Variants in TBRG1 observed in about 807,000 individuals in gnomAD.
TBRG1 encodes nuclear interactor of ARF and MDM2.
TBRG1 carries 31 observed loss-of-function variants against 44.0 expected under a neutral mutation model. That is an observed-to-expected ratio of 0.70 (90% CI 0.53 to 0.95). The LOEUF (loss-of-function observed/expected upper bound fraction) is 0.95, where lower values mean the gene tolerates loss of function less well. Among genes scored for constraint, TBRG1 ranks in the 40% least tolerant of loss-of-function variants. The probability of loss-of-function intolerance (pLI) is 0.00; values close to 1 mark genes in which losing one functional copy is unlikely to be tolerated. For synonymous variants in TBRG1, 171 were observed against 188.1 expected, an observed-to-expected ratio of 0.91 and a Z score of 0.74; for missense variants, 487 against 496.1, an observed-to-expected ratio of 0.98 and a Z score of 0.18.
chr11:124,625,973 C>A, intron 3 of TBRG1, 70 bp downstream of exon 3: 1 of 1,464,620 alleles, frequency 6.8e-7, no homozygotes. Context: ...CTGGTACTAA[C>A]TGACAGACAC....
rs14348 is a variant in TBRG1 at position 124,625,466 on chromosome 11, G to C, written c.222-205G>C. Among the ~76,000 whole-genome samples the C allele has an allele frequency of 7.2e-3, 1,098 of 152,342 alleles. 12 individuals carry two copies. The highest frequency in any genetic ancestry group is 0.025 in the African/African-American group (1,038 of 41,564). On this transcript the variant is annotated intron_variant, in intron 2 of 8. Coordinates refer to ENST00000441174, the MANE Select transcript of TBRG1 (RefSeq NM_032811.3). ...GTAGAGGAACCGTCCAGATGCAAGA[G>C]ATAAGCTACAGTTCTTATCCTTGGC...
At chr11:124,628,068 TATATATATATATA>T (rs1942512781) in intron 5 of TBRG1, among the ~76,000 whole-genome samples, 3 of 30,824 alleles carry the variant, frequency 9.7e-5, no homozygotes, top group South Asian at 1.3e-3. Context: ...AGCTGTTTTA[TATATATATATATA>T]TATATATATA....
In TBRG1 at chr11:124,630,453, T is replaced by C. The variant is rs759727193; in HGVS notation, c.804T>C (p.His268=). The C allele has an allele frequency of 9.9e-6, 16 of 1,613,824 alleles. No individual in the cohort carries two copies. In the Middle Eastern group the frequency reaches 1.2e-3, roughly 117 times the overall value. ...TCAGCTCTTCTGCAGATGCTTGTCA[T>C]GCAGAACTGCTCAGGACTATAAGCA... ...AIVSSSADAC[H]AELLRTISTT... The change falls in exon 6 of 9, where the codon CAT becomes CAC. Residue 268 remains histidine, a synonymous_variant. Transcript: ENST00000441174.
intron 1 of TBRG1, among the ~76,000 whole-genome samples, chr11:124,624,626 A>G (rs1942417214): frequency 1.3e-5 from 2 of 152,312 alleles, no homozygotes; most frequent in Non-Finnish European, 2.9e-5. Flanking sequence ...TAGGGTGACC[A>G]TTAATCTTGG....
chr11:124,626,562 G>T lies in TBRG1; in HGVS notation c.544G>T (p.Val182Leu). 6.4e-7 allele frequency: 1 copy of T among 1,551,620 alleles called. No homozygotes were observed. The highest frequency in any genetic ancestry group is 8.7e-7 in the Non-Finnish European group (1 of 1,146,908). ...TGCCCTGGATCCCTCAGGACGGCCTGTGTTCCCCATCGGACTAGGGGGTCT... is the reference window on the plus strand; with the variant it reads ...TGCCCTGGATCCCTCAGGACGGCCTTTGTTCCCCATCGGACTAGGGGGTCT... ...PIALDPSGRPVFPIGLGGLTV... is the reference protein window; with the variant it reads ...PIALDPSGRPLFPIGLGGLTV... Residue 182 changes from valine to leucine, a missense_variant, in exon 4 of 9, where the codon GTG becomes TTG. By Grantham distance (32) the Val-to-Leu change is conservative. Coordinates refer to ENST00000441174, the MANE Select transcript of TBRG1 (RefSeq NM_032811.3).
chr11:124,629,264 G>A (rs542803494), intron 5 of TBRG1, among the ~76,000 whole-genome samples: 3 of 152,180 alleles, frequency 2.0e-5, no homozygotes, highest in Non-Finnish European at 2.9e-5. Flanking sequence ...GCGTGAACCC[G>A]GGAGGCGGAG....
chr11:124,630,751 A>G lies in TBRG1; in HGVS notation c.843A>G (p.Lys281=), dbSNP rs1317289277. 3.7e-6 allele frequency: 6 copies of G among 1,603,094 alleles called. No homozygotes were observed. The highest frequency in any genetic ancestry group is 5.1e-6 in the Non-Finnish European group (6 of 1,174,278). The change falls in exon 7 of 9, where the codon AAA becomes AAG. Residue 281 remains lysine, a synonymous_variant. Coordinates refer to ENST00000441174, the MANE Select transcript of TBRG1 (RefSeq NM_032811.3). ...TTATCCCTCTCCTGTTTAGGGGGAA[A>G]CTAATGCCTAACCTGCTTCCAGCTG... is the stretch of plus-strand genomic sequence containing the variant. ...LLRTISTTMG[K]LMPNLLPAGA...
Position 124,634,809 on chromosome 11 carries a change from A to G in TBRG1, c.*2571A>G, listed in dbSNP as rs1364444118. On this transcript the variant is annotated 3_prime_UTR_variant, in exon 9 of 9. Coordinates refer to ENST00000441174, the MANE Select transcript of TBRG1 (RefSeq NM_032811.3). ...GATTACAAAATAATATGTACTGTAT[A>G]AAATTATATAACTCAAGTCAAGTGA... 6.6e-6 allele frequency: 1 copy of G among 152,220 alleles called. No homozygotes were observed. The highest frequency in any genetic ancestry group is 1.5e-5 in the Non-Finnish European group (1 of 68,042). The allele number at this position is 152,220 out of a possible 1,614,324, so 9.4% of individuals were successfully genotyped here.
chr11:124,634,500 C>T lies in TBRG1; in HGVS notation c.*2262C>T, dbSNP rs765714659. The stretch of plus-strand genomic sequence containing the variant: ...TTGGTGAGAATGTAAGTTGTTTAAT[C>T]CTTTGGGAGGGTTAAGCTGTAGATA... On this transcript the variant is annotated 3_prime_UTR_variant, in exon 9 of 9. Transcript: ENST00000441174. 6 of 152,138 alleles carry T rather than the reference C, an allele frequency of 3.9e-5. No individual in the cohort carries two copies. In the South Asian group the frequency reaches 1.2e-3, roughly 32 times the overall value. The allele number at this position is 152,138 out of a possible 1,614,324, so 9.4% of individuals were successfully genotyped here. A position where few individuals can be genotyped will look rare whatever the true frequency, so the allele number is the denominator to read the frequency against.
At position 124,632,876 on chromosome 11, in the gene TBRG1, TAA is replaced by T. The variant is rs1942644602; in HGVS notation, c.*639_*640del. 1 of 152,116 alleles carries T rather than the reference TAA, an allele frequency of 6.6e-6. No individual in the cohort carries two copies. The allele number at this position is 152,116 out of a possible 1,614,324, so 9.4% of individuals were successfully genotyped here. Reference sequence around the variant, plus strand: ...ATGAATTTTGGGGACATATAAACATTAAGTCTGTAGTAGCAGCAGCTGACTAA... The same window carrying T: ...ATGAATTTTGGGGACATATAAACATTGTCTGTAGTAGCAGCAGCTGACTAA... On this transcript the variant is annotated 3_prime_UTR_variant, in exon 9 of 9. Transcript: ENST00000441174.
chr11:124,632,468 G>A lies in TBRG1; in HGVS notation c.*230G>A. The A allele has an allele frequency of 5.1e-6, 2 of 395,828 alleles. No homozygotes were observed. Among genetic ancestry groups the A allele is most frequent in the Non-Finnish European group, 9.2e-6 (2 of 218,482 alleles). 24.5% of individuals were successfully genotyped at this position (395,828 alleles called of 1,614,324 possible). The stretch of plus-strand genomic sequence containing the variant: ...TTTACTTTCATCTTGTAATCGGGAT[G>A]TAATCTTTTTTGCTTAGCTCTGCCT... On this transcript the variant is annotated 3_prime_UTR_variant, in exon 9 of 9. Transcript: ENST00000441174.
At chr11:124,623,461 TAAAGA>T (rs757551539) in intron 1 of TBRG1, 4 of 642,894 alleles carry the variant, frequency 6.2e-6, no homozygotes, top group South Asian at 6.2e-5. Flanking sequence ...ATTAAATGAG[TAAAGA>T]AAAGTGCTTG....
At chr11:124,627,677 A>G (rs1044382695) in intron 5 of TBRG1, among the ~76,000 whole-genome samples, 1 of 152,178 alleles carries the variant, frequency 6.6e-6, no homozygotes, top group Non-Finnish European at 1.5e-5. Context: ...ACCTTTGAGC[A>G]GAAGCTGGGA....
chr11:124,627,540 C>G (rs1319240270), intron 5 of TBRG1, among the ~76,000 whole-genome samples: 1 of 152,134 alleles, frequency 6.6e-6, no homozygotes, highest in Non-Finnish European at 1.5e-5. Flanking sequence ...TACATTTTCC[C>G]CAACCATCAT....
Position 124,626,453 on chromosome 11 carries a change from A to AC in TBRG1, c.455-16dup. The AC allele has an allele frequency of 6.6e-7, 1 of 1,511,076 alleles. No homozygotes were observed. Among genetic ancestry groups the AC allele is most frequent in the South Asian group, 1.3e-5 (1 of 75,882 alleles). 93.6% of individuals were successfully genotyped at this position (1,511,076 alleles called of 1,614,324 possible). ...CATTGGAAGGGGCCTAAAGTGGGTG[A>AC]CCCCAGATTTGCGTTTCAGTTCTGA... On this transcript the variant is annotated intron_variant, in intron 3 of 8. Transcript: ENST00000441174.
Position 124,626,979 on chromosome 11 carries a change from G to A in TBRG1, c.667G>A (p.Ala223Thr). The change falls in exon 5 of 9, where the codon GCC becomes ACC. Residue 223 changes from alanine (A) to threonine (T), a missense_variant. Ala to Thr is a moderately conservative substitution (Grantham distance 58). Coordinates refer to ENST00000441174, the MANE Select transcript of TBRG1 (RefSeq NM_032811.3). ...GGGCTATTGCAGTACTCGAATATAT[G>A]CCAGCATGAAGTGCCCAGACCAGAA... ...PVGYCSTRIY[A>T]SMKCPDQKCL... 3 of 1,588,172 alleles carry A rather than the reference G, an allele frequency of 1.9e-6. No individual in the cohort carries two copies. In the South Asian group the frequency reaches 3.4e-5, roughly 18 times the overall value.
rs1942368787 is a variant in TBRG1, at chr11:124,622,901, G to A, written c.-183G>A. 1 of 619,590 alleles carries A rather than the reference G, an allele frequency of 1.6e-6. No homozygotes were observed. Among genetic ancestry groups the A allele is most frequent in the Non-Finnish European group, 2.7e-6 (1 of 369,730 alleles). 38.4% of individuals were successfully genotyped at this position (619,590 alleles called of 1,614,324 possible). A position where few individuals can be genotyped will look rare whatever the true frequency, so the allele number is the denominator to read the frequency against. ...GACACGGAAGTGCTGGGAGGCGCCG[G>A]GAGCCCGTTCGGTTGCGGGTGTCTC... On this transcript the variant is annotated 5_prime_UTR_variant, in exon 1 of 9. Coordinates refer to ENST00000441174, the MANE Select transcript of TBRG1 (RefSeq NM_032811.3).
At chr11:124,626,740 C>T in intron 4 of TBRG1, 131 bp downstream of exon 4, 1 of 1,428,220 alleles carries the variant, frequency 7.0e-7, no homozygotes, top group Non-Finnish European at 9.6e-7. Context: ...TCTCCAGTCC[C>T]TGCAAAACCA....
chr11:124,626,899 T>TA lies in TBRG1; in HGVS notation c.592-4dup, dbSNP rs1390685431. ...AATCCCAGGTTGGGGGAATGTTTTTTATAGATCATCACCGACCGACCTGGC... is the reference window on the plus strand; with the variant it reads ...AATCCCAGGTTGGGGGAATGTTTTTTAATAGATCATCACCGACCGACCTGGC... On this transcript the variant is annotated splice_polypyrimidine_tract_variant and splice_region_variant and intron_variant, in intron 4 of 8. Transcript: ENST00000441174. 1 of 1,603,876 alleles carries TA rather than the reference T, an allele frequency of 6.2e-7. No homozygotes were observed. Among genetic ancestry groups the TA allele is most frequent in the Non-Finnish European group, 8.5e-7 (1 of 1,174,630 alleles).
Sources: allele counts gnomAD v4.1 joint callset (sites outside exome capture counted in the v4.1 genomes callset), GRCh38; gene constraint gnomAD v4.1.1; transcripts MANE v1.5; gene names NCBI Gene and HGNC (gene_info 2026-07-23, HGNC 2026-07-21).